The following DNMBP variants were observed in gnomAD, a reference collection of about 807,000 sequenced individuals.
DNMBP encodes the protein dynamin-binding protein.
In DNMBP, 87 loss-of-function variants were observed where a neutral mutation model predicts 150.0. The observed-to-expected ratio is 0.58, with a 90% CI of 0.49 to 0.69. The LOEUF (loss-of-function observed/expected upper bound fraction) is 0.69, where lower values mean the gene tolerates loss of function less well. DNMBP is among the 30% of genes least tolerant of loss of function. The pLI, the probability that DNMBP is intolerant of heterozygous loss-of-function variation, is 0.00. For missense variants in DNMBP, 1,774 were observed against 1,949.0 expected (o/e 0.91, Z 1.69); for synonymous variants, 711 against 750.4 (o/e 0.95, Z 0.86).
At chr10:99,984,098 TTTCC>T (rs1413211710) in intron 1 of DNMBP, among the ~76,000 whole-genome samples, 4 of 152,214 alleles carry the variant, frequency 2.6e-5, no homozygotes, top group Non-Finnish European at 5.9e-5. Context: ...AAACTGCTGT[TTTCC>T]TTCCATTTTT....
chr10:100,009,655 G>C (rs1361591997), intron 1 of DNMBP, among the ~76,000 whole-genome samples, 183 bp downstream of exon 1: 1 of 151,754 alleles, frequency 6.6e-6, no homozygotes, highest in Non-Finnish European at 1.5e-5. Context: ...TGTCCCTCGC[G>C]GGCTCCTGGC....
chr10:99,980,261 G>A lies in DNMBP; in HGVS notation c.-10-8127C>T, dbSNP rs931761592. Reference sequence around the variant, plus strand: ...GGAGTTCAAGACAAGCCTGGCCAACGTGGCGAAACCCTATCTCTACTAAAA... The same window carrying A: ...GGAGTTCAAGACAAGCCTGGCCAACATGGCGAAACCCTATCTCTACTAAAA... On this transcript the variant is annotated intron_variant, in intron 1 of 16. Transcript: ENST00000324109. 2.6e-5 allele frequency among the ~76,000 whole-genome samples: 4 copies of A among 152,062 alleles called. No homozygotes were observed. In the East Asian group the frequency reaches 5.8e-4, roughly 22 times the overall value.
chr10:99,901,913 CCT>C (rs2039745446), intron 6 of DNMBP, among the ~76,000 whole-genome samples: 1 of 151,170 alleles, frequency 6.6e-6, no homozygotes, highest in Admixed American at 6.6e-5. Flanking sequence ...TTTTTTTTTT[CCT>C]TTTTTTAAGA....
chr10:99,985,438 C>T (rs1390872959), intron 1 of DNMBP, among the ~76,000 whole-genome samples: 1 of 152,130 alleles, frequency 6.6e-6, no homozygotes, highest in East Asian at 1.9e-4. Context: ...CAGTGTCCTT[C>T]TTTTTTTGAG....
chr10:99,998,579 C>CAAAAAA (rs71009799), intron 1 of DNMBP, among the ~76,000 whole-genome samples: 1 of 93,224 alleles, frequency 1.1e-5, no homozygotes, highest in African/African-American at 3.8e-5. Context: ...GACTCCGTCT[C>CAAAAAA]AAAAAAAAAA....
chr10:99,903,837 T>C (rs1256226118), intron 6 of DNMBP, among the ~76,000 whole-genome samples: 1 of 152,232 alleles, frequency 6.6e-6, no homozygotes, highest in African/African-American at 2.4e-5. Flanking sequence ...CTAGCAAAGC[T>C]ACACCTATAA....
intron 3 of DNMBP, among the ~76,000 whole-genome samples, chr10:99,967,371 C>A (rs1019088773): frequency 3.9e-5 from 6 of 151,988 alleles, no homozygotes; most frequent in African/African-American, 7.2e-5. Context: ...ACTAAAAATA[C>A]AAAAATTAGC....
chr10:99,888,925 G>T lies in DNMBP; in HGVS notation c.3185C>A (p.Ala1062Asp). 1 of 1,614,106 alleles carries T rather than the reference G, an allele frequency of 6.2e-7. No homozygotes were observed. Residue 1062 changes from alanine to aspartate, a missense_variant, in exon 12 of 17, where the codon GCT becomes GAT. By Grantham distance (126) the Ala-to-Asp change is moderately radical (BLOSUM62 -2). Around this residue, in one of 2 missense-constraint regions of DNMBP, gnomAD observed 1,430 missense variants for 1,492.5 expected, o/e 0.96. Transcript: ENST00000324109. ...CATGCACACATCCCACATGCTCACAGCAGCCACCACTTTCACACATGCGGA... is the reference window on the plus strand; with the variant it reads ...CATGCACACATCCCACATGCTCACATCAGCCACCACTTTCACACATGCGGA... ...RESACVKVVA[A>D]VSMWDVCMER...
At chr10:99,915,607 C>CA (rs2039957197) in intron 4 of DNMBP, among the ~76,000 whole-genome samples, 1 of 151,958 alleles carries the variant, frequency 6.6e-6, no homozygotes, top group Non-Finnish European at 1.5e-5. Context: ...CCCAGCTACT[C>CA]CGAAGGCTGA....
At chr10:99,915,107 A>AT (rs59419837) in intron 4 of DNMBP, among the ~76,000 whole-genome samples, 96 of 109,388 alleles carry the variant, frequency 8.8e-4, no homozygotes, top group Middle Eastern at 5.1e-3. Flanking sequence ...AAAAAAAAAA[A>AT]AATATATATA....
At chr10:99,977,799 C>T (rs1455950778) in intron 1 of DNMBP, among the ~76,000 whole-genome samples, 1 of 152,122 alleles carries the variant, frequency 6.6e-6, no homozygotes, top group African/African-American at 2.4e-5. Context: ...AATAATCCAA[C>T]CTGTCACAAT....
At chr10:99,936,515 CTTTTTTTTT>C (rs34804787) in intron 4 of DNMBP, among the ~76,000 whole-genome samples, 1 of 134,356 alleles carries the variant, frequency 7.4e-6, no homozygotes, top group African/African-American at 2.8e-5. Context: ...TTTCTTTTTT[CTTTTTTTTT>C]TTTTTTTTGA....
intron 4 of DNMBP, among the ~76,000 whole-genome samples, chr10:99,945,073 GTTTAAGTTGGACC>G (rs1435481435): frequency 6.6e-6 from 1 of 152,144 alleles, no homozygotes; most frequent in Non-Finnish European, 1.5e-5. Context: ...CTTGAAATTG[GTTTAAGTTGGACC>G]TGGGCTGAGA....
chr10:99,917,152 T>G (rs1014197225), intron 4 of DNMBP, among the ~76,000 whole-genome samples: 3 of 151,610 alleles, frequency 2.0e-5, no homozygotes, highest in African/African-American at 4.8e-5. Flanking sequence ...AGGTCAGGAG[T>G]TCAAGACCAG....
intron 14 of DNMBP, 148 bp from the exon 15 acceptor site, chr10:99,884,357 C>T: frequency 1.4e-6 from 1 of 710,464 alleles, no homozygotes; most frequent in Non-Finnish European, 2.3e-6. Flanking sequence ...TGTGATGAAG[C>T]CAGCCCATGT....
At chr10:99,948,928 A>C (rs1283493595) in intron 4 of DNMBP, among the ~76,000 whole-genome samples, 2 of 151,876 alleles carry the variant, frequency 1.3e-5, no homozygotes, top group Non-Finnish European at 2.9e-5. Flanking sequence ...ACGCCATTGC[A>C]CTGCAGTCTG....
At position 99,885,754 on chromosome 10, in the gene DNMBP, G is replaced by A. The variant is rs1241074257; in HGVS notation, c.3731C>T (p.Ala1244Val). ...VFTFFPESLP[A>V]TKKPFERKTI... ...TTTCCTCTCAAATGGCTTCTTGGTA[G>A]CTGGAAGAGACTCCGGGAAGAAGGT... Residue 1244 changes from alanine to valine, a missense_variant, in exon 14 of 17, where the codon GCT becomes GTT. Physicochemically the swap from Ala to Val is moderately conservative, Grantham distance 64 (BLOSUM62 0). Transcript: ENST00000324109. 2 of 1,603,602 alleles carry A rather than the reference G, an allele frequency of 1.2e-6. No individual in the cohort carries two copies. The highest frequency in any genetic ancestry group is 4.5e-5 in the East Asian group (2 of 44,792).
At chr10:99,925,456 C>T (rs1324924711) in intron 4 of DNMBP, among the ~76,000 whole-genome samples, 1 of 152,090 alleles carries the variant, frequency 6.6e-6, no homozygotes, top group Non-Finnish European at 1.5e-5. Flanking sequence ...CACTCTGTCG[C>T]CCAGGCTGGA....
intron 1 of DNMBP, among the ~76,000 whole-genome samples, chr10:100,003,543 A>G (rs902270099): frequency 1.2e-4 from 18 of 152,320 alleles, no homozygotes; most frequent in African/African-American, 4.3e-4. Context: ...AAACGGAAAG[A>G]CACATTATAT....
Sources: allele counts gnomAD v4.1 joint callset (sites outside exome capture counted in the v4.1 genomes callset), GRCh38; gene constraint gnomAD v4.1.1; regional missense constraint gnomAD v4.1.1; transcripts MANE v1.5; gene names NCBI Gene and HGNC (gene_info 2026-07-23, HGNC 2026-07-21).